ZNF106: variants seen among roughly 807,000 people sequenced by gnomAD.
The protein encoded by ZNF106 is zinc finger protein 106.
A neutral mutation model predicts 195.1 loss-of-function variants in ZNF106; 67 were observed. That is an observed-to-expected ratio of 0.34 (90% CI 0.28 to 0.42). The LOEUF is 0.42. ZNF106 is among the 10% of genes least tolerant of loss of function. ZNF106 has a pLI of 1.00. For missense variants in ZNF106, 2,118 were observed against 2,304.5 expected (o/e 0.92, Z 1.66); for synonymous variants, 784 against 818.6 (o/e 0.96, Z 0.72).
chr15:42,442,045 C>A, intron 10 of ZNF106, 28 bp downstream of exon 10: 1 of 1,568,842 alleles, frequency 6.4e-7, no homozygotes, highest in Non-Finnish European at 8.7e-7. Flanking sequence ...TACTGGGATG[C>A]CCTTAACCCA....
chr15:42,419,035 G>A (rs1225990643), intron 20 of ZNF106, among the ~76,000 whole-genome samples: 1 of 149,218 alleles, frequency 6.7e-6, no homozygotes, highest in Non-Finnish European at 1.5e-5. Context: ...AGACCAGCCT[G>A]GGCAACATAG....
chr15:42,419,373 TAATAAA>T (rs2054574593), intron 20 of ZNF106, among the ~76,000 whole-genome samples: 1 of 150,946 alleles, frequency 6.6e-6, no homozygotes. Flanking sequence ...AAAAAATAAA[TAATAAA>T]AATAATACAA....
intron 4 of ZNF106, among the ~76,000 whole-genome samples, chr15:42,453,175 A>AAC (rs2141367275): frequency 6.6e-6 from 1 of 152,320 alleles, no homozygotes; most frequent in East Asian, 1.9e-4. Flanking sequence ...TTAGTGGTAT[A>AAC]AGAAGACTTT....
intron 1 of ZNF106, among the ~76,000 whole-genome samples, chr15:42,478,577 A>ATG (rs1406144653): frequency 2.0e-4 from 26 of 132,768 alleles, no homozygotes; most frequent in African/African-American, 7.5e-4. Flanking sequence ...GTGCAGTGGC[A>ATG]TGATCTCAGC....
intron 14 of ZNF106, among the ~76,000 whole-genome samples, chr15:42,431,371 T>C (rs2055041257): frequency 6.6e-6 from 1 of 151,300 alleles, no homozygotes; most frequent in Admixed American, 6.6e-5. Flanking sequence ...TCTTGATCGT[T>C]AATGATGTTA....
At chr15:42,441,001 ATATATATATATATATATATAT>A (rs1567009274) in intron 10 of ZNF106, among the ~76,000 whole-genome samples, 209 of 16,344 alleles carry the variant, frequency 0.013, 23 homozygotes, top group Middle Eastern at 0.033. Flanking sequence ...AAAAAAAAAT[ATATATATATATATATATATAT>A]ATATATATAT....
intron 14 of ZNF106, among the ~76,000 whole-genome samples, chr15:42,433,966 A>G (rs2055167445): frequency 6.6e-6 from 1 of 151,980 alleles, no homozygotes; most frequent in African/African-American, 2.4e-5. Flanking sequence ...CTCCCACCTC[A>G]GCCTCCCAAA....
intron 20 of ZNF106, among the ~76,000 whole-genome samples, chr15:42,419,331 C>T (rs2054572283): frequency 1.3e-5 from 2 of 152,028 alleles, no homozygotes; most frequent in African/African-American, 4.8e-5. Context: ...CGCACTCCAG[C>T]CTGGGTGACA....
intron 15 of ZNF106, among the ~76,000 whole-genome samples, chr15:42,426,110 G>A (rs886772116): frequency 6.6e-6 from 1 of 152,122 alleles, no homozygotes; most frequent in African/African-American, 2.4e-5. Context: ...TAGGGAGACA[G>A]ACTGAAAGGA....
At chr15:42,424,743 G>A (rs1012276634) in intron 16 of ZNF106, 91 bp downstream of exon 16, 2 of 1,336,560 alleles carry the variant, frequency 1.5e-6, no homozygotes, top group Admixed American at 4.5e-5. Context: ...CCCTCCCAAA[G>A]TGCTGGGACT....
chr15:42,461,625 A>G (rs1020118216), intron 3 of ZNF106, among the ~76,000 whole-genome samples: 1 of 152,264 alleles, frequency 6.6e-6, no homozygotes, highest in African/African-American at 2.4e-5. Context: ...TCACATGTCC[A>G]CAGCCATGAA....
chr15:42,489,043 A>G (rs1595505171), intron 1 of ZNF106, among the ~76,000 whole-genome samples: 1 of 145,640 alleles, frequency 6.9e-6, no homozygotes, highest in Admixed American at 6.9e-5. Flanking sequence ...GCGCCACTGC[A>G]CTCCAGCCTG....
At chr15:42,423,626 C>T (rs1489352228) in intron 17 of ZNF106, among the ~76,000 whole-genome samples, 2 of 152,184 alleles carry the variant, frequency 1.3e-5, no homozygotes, top group African/African-American at 4.8e-5. Flanking sequence ...GATCTTCCCA[C>T]CTCAGCCTTC....
In ZNF106 at chr15:42,451,435, C is replaced by G. The variant is rs1314631402; in HGVS notation, c.837G>C (p.Met279Ile). 6.2e-7 allele frequency: 1 copy of G among 1,614,050 alleles called. No homozygotes were observed. Among genetic ancestry groups the G allele is most frequent in the Admixed American group, 1.7e-5 (1 of 59,998 alleles). ...PGRNRNSNCQ[M>I]EDMTMLWNKK... ...TGTTCCATAGCATAGTCATGTCTTC[C>G]ATTTGACAGTTAGAATTTCTGTTTC... The change falls in exon 5 of 22, where the codon ATG becomes ATC. Residue 279 changes from methionine (M) to isoleucine (I), a missense_variant. Transcript: ENST00000564754.
chr15:42,447,177 G>A (rs1307594972), intron 6 of ZNF106, among the ~76,000 whole-genome samples: 2 of 152,168 alleles, frequency 1.3e-5, no homozygotes, highest in Admixed American at 6.5e-5. Context: ...TTTGAAGCAA[G>A]TCTAAAATTC....
rs1000392045 is a variant in ZNF106, at chr15:42,431,066, T to C, written c.4882-2932A>G. Among the ~76,000 whole-genome samples, 12 of 152,042 alleles carry C rather than the reference T, an allele frequency of 7.9e-5. 1 individual carries two copies. The highest frequency in any genetic ancestry group is 2.7e-4 in the African/African-American group (11 of 41,290). ...CTACAAATGATACGTTGCATTTTCA[T>C]TTAGTTAGGTATTTTCTAATTTCCC... On this transcript the variant is annotated intron_variant, in intron 14 of 21. Coordinates refer to ENST00000564754, the MANE Select transcript of ZNF106 (RefSeq NM_001366845.3).
chr15:42,468,735 C>T (rs992159433), intron 2 of ZNF106, among the ~76,000 whole-genome samples: 2 of 151,112 alleles, frequency 1.3e-5, no homozygotes, highest in African/African-American at 4.9e-5. Context: ...GAGCAAGACT[C>T]CGTCTCAAAA....
Position 42,451,386 on chromosome 15 carries a change from A to G in ZNF106, c.886T>C (p.Tyr296His). 1 of 1,614,080 alleles carries G rather than the reference A, an allele frequency of 6.2e-7. No homozygotes were observed. Among genetic ancestry groups the G allele is most frequent in the Middle Eastern group, 1.6e-4 (1 of 6,062 alleles). Reference protein sequence around the residue: ...WNKKSNKSNKYSHDRYNWQRQ... With the variant: ...WNKKSNKSNKHSHDRYNWQRQ... ...TGCCAATTATATCTGTCGTGACTGT[A>G]TTTGTTTGACTTATTAGATTTCTTG... is the stretch of plus-strand genomic sequence containing the variant. The change falls in exon 5 of 22, where the codon TAC (tyrosine) becomes CAC (histidine). Residue 296 changes from tyrosine (Y) to histidine (H), a missense_variant. Coordinates refer to ENST00000564754, the MANE Select transcript of ZNF106 (RefSeq NM_001366845.3).
intron 14 of ZNF106, among the ~76,000 whole-genome samples, chr15:42,432,367 G>A (rs991157093): frequency 2.6e-5 from 4 of 151,136 alleles, no homozygotes; most frequent in African/African-American, 9.7e-5. Context: ...TTATGTTACC[G>A]AGGCTGGTCT....
Sources: allele counts gnomAD v4.1 joint callset (sites outside exome capture counted in the v4.1 genomes callset), GRCh38; gene constraint gnomAD v4.1.1; transcripts MANE v1.5; gene names NCBI Gene and HGNC (gene_info 2026-07-23, HGNC 2026-07-21).